Variants in RBFOX1 observed in about 807,000 individuals in gnomAD.
The protein encoded by RBFOX1 is RNA binding fox-1 homolog 1, also known as RNA binding protein fox-1 homolog 1.
RBFOX1 carries 8 observed loss-of-function variants against 57.7 expected under a neutral mutation model. That is an observed-to-expected ratio of 0.14 (90% CI 0.08 to 0.25). The LOEUF (loss-of-function observed/expected upper bound fraction) is 0.25. RBFOX1 is among the 10% of genes least tolerant of loss of function. The probability of loss-of-function intolerance (pLI) is 1.00; values close to 1 mark genes in which losing one functional copy is unlikely to be tolerated. For synonymous variants in RBFOX1, 326 were observed against 222.4 expected (o/e 1.47, Z -4.15); for missense variants, 611 against 548.5 (o/e 1.11, Z -1.14).
intron 3 of RBFOX1, among the ~76,000 whole-genome samples, chr16:5,700,675 T>C (rs561261185): frequency 1.1e-3 from 160 of 152,232 alleles, no homozygotes; most frequent in Non-Finnish European, 1.9e-3. Flanking sequence ...AGTTCTGTTA[T>C]TGTTTTTGCC....
chr16:7,343,320 C>T (rs1004763027), intron 4 of RBFOX1, among the ~76,000 whole-genome samples: 4 of 152,142 alleles, frequency 2.6e-5, no homozygotes, highest in Non-Finnish European at 5.9e-5. Context: ...TCCCCCAAAG[C>T]TGCTATGGAT....
At chr16:6,143,042 G>C (rs1023410096) in intron 1 of RBFOX1, among the ~76,000 whole-genome samples, 3 of 152,128 alleles carry the variant, frequency 2.0e-5, no homozygotes, top group Admixed American at 2.0e-4. Flanking sequence ...TTTAATATTT[G>C]TTAAGTGCAT....
intron 1 of RBFOX1, among the ~76,000 whole-genome samples, chr16:6,193,391 A>AT (rs1567650996): frequency 5.7e-4 from 9 of 15,740 alleles, no homozygotes; most frequent in Non-Finnish European, 1.2e-3. Context: ...ATATATATAT[A>AT]CTATATATAT....
chr16:7,453,081 A>G (rs2057708543), intron 4 of RBFOX1, among the ~76,000 whole-genome samples: 1 of 150,024 alleles, frequency 6.7e-6, no homozygotes. Context: ...GTGAGCTGAG[A>G]TCGCACCACT....
intron 4 of RBFOX1, among the ~76,000 whole-genome samples, chr16:7,410,154 A>G (rs1483700036): frequency 1.3e-5 from 2 of 151,658 alleles, no homozygotes; most frequent in Non-Finnish European, 2.9e-5. Context: ...TCACTTTCCT[A>G]CAGCGCAACT....
chr16:6,812,671 C>T (rs997345179), intron 3 of RBFOX1, among the ~76,000 whole-genome samples: 3 of 152,164 alleles, frequency 2.0e-5, no homozygotes, highest in Non-Finnish European at 4.4e-5. Context: ...GCTACCACGC[C>T]TGGCCTTGGT....
chr16:7,201,398 C>CT (rs1227321513), intron 4 of RBFOX1, among the ~76,000 whole-genome samples: 1 of 151,326 alleles, frequency 6.6e-6, no homozygotes, highest in African/African-American at 2.4e-5. Flanking sequence ...TCTATTCTGG[C>CT]TGAGGCAGGA....
At chr16:5,611,074 T>C (rs2047767515) in intron 3 of RBFOX1, among the ~76,000 whole-genome samples, 1 of 152,116 alleles carries the variant, frequency 6.6e-6, no homozygotes, top group South Asian at 2.1e-4. Flanking sequence ...AACTAGAGCA[T>C]CATCCACATC....
intron 14 of RBFOX1, among the ~76,000 whole-genome samples, chr16:7,690,237 C>G (rs1042203352): frequency 6.6e-6 from 1 of 152,102 alleles, no homozygotes; most frequent in Admixed American, 6.6e-5. Context: ...CTCTCTTAAC[C>G]TCTATGAATC....
intron 4 of RBFOX1, among the ~76,000 whole-genome samples, chr16:5,893,180 C>G (rs920629601): frequency 6.6e-6 from 1 of 152,166 alleles, no homozygotes; most frequent in Non-Finnish European, 1.5e-5. Flanking sequence ...AGCTGATGCT[C>G]CAGAAGTATG....
intron 3 of RBFOX1, among the ~76,000 whole-genome samples, chr16:7,024,109 T>C (rs2040172130): frequency 6.6e-6 from 1 of 152,194 alleles, no homozygotes; most frequent in Non-Finnish European, 1.5e-5. Flanking sequence ...AATATACTTG[T>C]GATGCATTTT....
chr16:5,276,841 G>T (rs1210824351), intron 1 of RBFOX1, among the ~76,000 whole-genome samples: 1 of 152,184 alleles, frequency 6.6e-6, no homozygotes, highest in African/African-American at 2.4e-5. Context: ...TACACTGATG[G>T]TGGGAATGTA....
At chr16:5,816,296 ATT>A (rs2055634264) in intron 3 of RBFOX1, among the ~76,000 whole-genome samples, 1 of 152,166 alleles carries the variant, frequency 6.6e-6, no homozygotes, top group Non-Finnish European at 1.5e-5. Context: ...ATCTAGGAAG[ATT>A]CTCTAACTGC....
intron 4 of RBFOX1, among the ~76,000 whole-genome samples, chr16:7,191,422 A>C (rs1425957276): frequency 1.3e-5 from 2 of 152,164 alleles, no homozygotes; most frequent in African/African-American, 4.8e-5. Context: ...CATGTTGTAC[A>C]ATTGTCCTCA....
chr16:6,070,738 C>T (rs1431564626), intron 1 of RBFOX1, among the ~76,000 whole-genome samples: 2 of 151,906 alleles, frequency 1.3e-5, no homozygotes, highest in African/African-American at 2.4e-5. Context: ...CATTGCAATT[C>T]ATAATAAATG....
At chr16:5,692,866 G>A (rs2050732345) in intron 3 of RBFOX1, among the ~76,000 whole-genome samples, 1 of 152,194 alleles carries the variant, frequency 6.6e-6, no homozygotes, top group Non-Finnish European at 1.5e-5. Context: ...AAGGCAGGTT[G>A]AACAAAGAGG....
chr16:6,785,796 A>G (rs1385771952), intron 3 of RBFOX1, among the ~76,000 whole-genome samples: 2 of 152,220 alleles, frequency 1.3e-5, no homozygotes, highest in African/African-American at 4.8e-5. Context: ...GCAGGAAACA[A>G]TGAGAGCATG....
At chr16:6,851,059 A>G (rs929048246) in intron 3 of RBFOX1, among the ~76,000 whole-genome samples, 7 of 152,234 alleles carry the variant, frequency 4.6e-5, no homozygotes, top group Non-Finnish European at 1.0e-4. Context: ...CAAATTATTG[A>G]TGATAGACAC....
In RBFOX1 at chr16:7,392,839, G is replaced by A. The variant is rs2098060182; in HGVS notation, c.28-125308G>A. On this transcript the variant is annotated intron_variant, in intron 4 of 15. Transcript: ENST00000550418. ...CTCTTTGGTGTCTTGGTTTTTTGTT[G>A]TTTTGGTTTGGTTTGGTTTGTTTGT... Among the ~76,000 whole-genome samples the A allele has an allele frequency of 2.8e-5, 4 of 144,220 alleles. No individual in the cohort carries two copies. The South Asian group carries it at 9.0e-4, about 33-fold the overall frequency. 94.6% of individuals were successfully genotyped at this position (144,220 alleles called of 152,430 possible). A position where few individuals can be genotyped will look rare whatever the true frequency, so the allele number is the denominator to read the frequency against.
Sources: allele counts gnomAD v4.1 joint callset (sites outside exome capture counted in the v4.1 genomes callset), GRCh38; gene constraint gnomAD v4.1.1; transcripts MANE v1.5; gene names NCBI Gene and HGNC (gene_info 2026-07-23, HGNC 2026-07-21).